Variants in MYZAP observed in about 807,000 individuals in gnomAD.
The protein encoded by MYZAP is myocardial zonula adherens protein.
MYZAP carries 66 observed loss-of-function variants against 69.4 expected under a neutral mutation model. The observed-to-expected ratio is 0.95, with a 90% CI of 0.78 to 1.17. The LOEUF is 1.17. Ranked by LOEUF, MYZAP falls within the 50% of genes most tolerant of loss-of-function variation. The pLI is 0.00. For missense variants in MYZAP, 611 were observed against 556.2 expected, an observed-to-expected ratio of 1.10 and a Z score of -0.99; for synonymous variants, 256 against 205.9, an observed-to-expected ratio of 1.24 and a Z score of -2.09.
chr15:57,640,813 C>T (rs1040580708), intron 10 of MYZAP, among the ~76,000 whole-genome samples: 1 of 152,134 alleles, frequency 6.6e-6, no homozygotes, highest in Non-Finnish European at 1.5e-5. Context: ...TTCTGGGGAG[C>T]AGTGGAATAG....
chr15:57,658,280 T>G lies in MYZAP; in HGVS notation c.1120-3170T>G, dbSNP rs531264481. Among the ~76,000 whole-genome samples the G allele has an allele frequency of 3.9e-5, 6 of 152,298 alleles. No homozygotes were observed. The East Asian group carries it at 1.2e-3, about 29-fold the overall frequency. On this transcript the variant is annotated intron_variant, in intron 10 of 12. Coordinates refer to ENST00000267853, the MANE Select transcript of MYZAP (RefSeq NM_001018100.5). ...CAAATCCCAGACATTCTGCATATGT[T>G]TCCTATACACTTCACCGTGCATCTC...
chr15:57,650,143 T>C (rs1045302407), intron 10 of MYZAP, among the ~76,000 whole-genome samples: 14 of 152,244 alleles, frequency 9.2e-5, no homozygotes, highest in African/African-American at 3.4e-4. Flanking sequence ...GTTTCTCTAA[T>C]AGCATTGCCG....
In MYZAP at chr15:57,632,440, T is replaced by C. The variant is rs1042825260; in HGVS notation, c.685T>C (p.Ser229Pro). 6.2e-7 allele frequency: 1 copy of C among 1,613,980 alleles called. No individual in the cohort carries two copies. The highest frequency in any genetic ancestry group is 1.7e-5 in the Admixed American group (1 of 59,994). The change falls in exon 7 of 13, where the codon TCG becomes CCG. Residue 229 changes from serine (S) to proline (P), a missense_variant. Physicochemically the swap from Ser to Pro is moderately conservative, Grantham distance 74. Transcript: ENST00000267853. ...ENQLLKMKVE[S>P]SQEANAEVMR... ...GAAATGAGTCTCGTTGTAGGTGGAA[T>C]CGTCCCAAGAAGCCAATGCTGAGGT...
chr15:57,628,849 C>A (rs1056792880), intron 5 of MYZAP, among the ~76,000 whole-genome samples: 50 of 152,008 alleles, frequency 3.3e-4, no homozygotes, highest in African/African-American at 1.2e-3. Flanking sequence ...CTTTGGGAGG[C>A]CGAGTCAGGT....
intron 10 of MYZAP, among the ~76,000 whole-genome samples, chr15:57,656,541 A>G (rs865955587): frequency 6.6e-6 from 1 of 152,334 alleles, no homozygotes; most frequent in Middle Eastern, 3.4e-3. Context: ...CTTGAGAGTC[A>G]GATGTTCCTA....
Position 57,620,957 on chromosome 15 carries a change from A to G in MYZAP, c.319-651A>G, listed in dbSNP as rs185259664. Among the ~76,000 whole-genome samples, 1,198 of 149,490 alleles carry G rather than the reference A, an allele frequency of 8.0e-3. 11 individuals carry two copies. Among genetic ancestry groups the G allele is most frequent in the South Asian group, 0.045 (217 of 4,784 alleles). On this transcript the variant is annotated intron_variant, in intron 3 of 12. Coordinates refer to ENST00000267853, the MANE Select transcript of MYZAP (RefSeq NM_001018100.5). ...TTGGCTAATTAATATTTATTATGAT[A>G]GTTACATGTAATTATATATAATTTT... is the stretch of plus-strand genomic sequence containing the variant.
chr15:57,644,640 A>AT (rs1420206865), intron 10 of MYZAP, among the ~76,000 whole-genome samples: 1 of 151,812 alleles, frequency 6.6e-6, no homozygotes, highest in African/African-American at 2.4e-5. Context: ...TATTATTATT[A>AT]TTTTTTATAG....
intron 1 of MYZAP, among the ~76,000 whole-genome samples, chr15:57,603,991 T>A (rs1227073669): frequency 6.6e-6 from 1 of 152,250 alleles, no homozygotes; most frequent in African/African-American, 2.4e-5. Flanking sequence ...CATATTCTTA[T>A]GGAAACTGAG....
At chr15:57,651,996 A>T (rs1381835780) in intron 10 of MYZAP, among the ~76,000 whole-genome samples, 8 of 152,316 alleles carry the variant, frequency 5.3e-5, no homozygotes, top group African/African-American at 1.9e-4. Flanking sequence ...GATCCTTTTG[A>T]ATGGTATAGT....
chr15:57,644,249 T>C (rs564386199), intron 10 of MYZAP, among the ~76,000 whole-genome samples: 1 of 152,260 alleles, frequency 6.6e-6, no homozygotes, highest in South Asian at 2.1e-4. Context: ...CTCCTATGCC[T>C]GAGGTGGGAA....
intron 6 of MYZAP, among the ~76,000 whole-genome samples, chr15:57,631,172 TTTAAGTAA>T (rs2036482564): frequency 8.7e-6 from 1 of 115,438 alleles, no homozygotes; most frequent in Non-Finnish European, 2.0e-5. Flanking sequence ...AAATTACTGA[TTTAAGTAA>T]TTTTTTTCAG....
At chr15:57,646,976 G>A (rs2140491821) in intron 10 of MYZAP, 1 of 985,382 alleles carries the variant, frequency 1.0e-6, no homozygotes, top group South Asian at 4.7e-5. Context: ...GTTTTGCTGA[G>A]AACTAGCAGT....
At chr15:57,595,746 C>A (rs754185928) in intron 1 of MYZAP, among the ~76,000 whole-genome samples, 1 of 152,146 alleles carries the variant, frequency 6.6e-6, no homozygotes, top group Non-Finnish European at 1.5e-5. Flanking sequence ...TATCGTGACC[C>A]GTCACTGGCA....
intron 11 of MYZAP, among the ~76,000 whole-genome samples, chr15:57,674,138 A>ATT (rs146413303): frequency 1.3e-5 from 2 of 149,870 alleles, no homozygotes; most frequent in African/African-American, 2.4e-5. Context: ...CTTTCTGAAT[A>ATT]TTTTTTTTTT....
At chr15:57,611,878 T>C (rs1294236021) in intron 2 of MYZAP, among the ~76,000 whole-genome samples, 1 of 152,160 alleles carries the variant, frequency 6.6e-6, no homozygotes, top group African/African-American at 2.4e-5. Context: ...TAGCTGGGAC[T>C]ACAGGCATAC....
chr15:57,682,902 G>A (rs1434731795), intron 12 of MYZAP, among the ~76,000 whole-genome samples: 3 of 152,126 alleles, frequency 2.0e-5, no homozygotes, highest in African/African-American at 7.2e-5. Flanking sequence ...CCTTCTCTGT[G>A]TGAATTTCTA....
chr15:57,647,323 AG>A, intron 10 of MYZAP: 1 of 985,442 alleles, frequency 1.0e-6, no homozygotes, highest in Non-Finnish European at 1.2e-6. Context: ...CTGGGTATTC[AG>A]ACTTCCACTA....
At chr15:57,642,514 A>T (rs1328598393) in intron 10 of MYZAP, among the ~76,000 whole-genome samples, 1 of 151,930 alleles carries the variant, frequency 6.6e-6, no homozygotes, top group Non-Finnish European at 1.5e-5. Context: ...GATGTTAAGG[A>T]CCCTTTTTCT....
chr15:57,646,702 G>A (rs2037464108), intron 10 of MYZAP: 1 of 987,528 alleles, frequency 1.0e-6, no homozygotes, highest in African/African-American at 1.7e-5. Context: ...TTTGTATATG[G>A]GAGGTGGCCC....
Sources: gnomAD v4.1 joint callset for allele counts (sites outside exome capture counted in the v4.1 genomes callset) on GRCh38, gnomAD v4.1.1 for gene constraint, MANE v1.5 for transcripts, NCBI Gene and HGNC (gene_info 2026-07-23, HGNC 2026-07-21) for gene names.